HTR2C: variants seen among roughly 807,000 people sequenced by gnomAD.
The protein encoded by HTR2C is 5-hydroxytryptamine receptor 2C, also known as 5-hydroxytryptamine (serotonin) receptor 2C, G protein-coupled.
In HTR2C, 5 loss-of-function variants were observed where a neutral mutation model predicts 21.0. That is an observed-to-expected ratio of 0.24 (90% confidence interval 0.12 to 0.50). The LOEUF (loss-of-function observed/expected upper bound fraction) is 0.50. Ranked by LOEUF, HTR2C falls within the 20% of genes least tolerant of loss-of-function variation. HTR2C has a pLI of 0.98. For synonymous variants in HTR2C, 150 were observed against 145.3 expected (o/e 1.03, Z -0.23); for missense variants, 271 against 371.2 (o/e 0.73, Z 2.22).
intron 2 of HTR2C, among the ~76,000 whole-genome samples, chrX:114,678,883 G>A (rs1050614694): frequency 9.0e-6 from 1 of 111,465 alleles, no homozygotes; most frequent in Non-Finnish European, 1.9e-5. Context: ...TATTCTTGCT[G>A]CCCAGTAATC....
chrX:114,847,302 T>C (rs998230998), intron 4 of HTR2C, among the ~76,000 whole-genome samples: 10 of 105,541 alleles, frequency 9.5e-5, no homozygotes, highest in East Asian at 9.2e-4. Flanking sequence ...ATGGATGAAA[T>C]TGGAAATCAT....
chrX:114,704,509 A>AC (rs1556417575), intron 2 of HTR2C, among the ~76,000 whole-genome samples: 1 of 111,468 alleles, frequency 9.0e-6, no homozygotes, highest in African/African-American at 3.3e-5. Flanking sequence ...AAATTCAACA[A>AC]CCTTCATGCT....
At chrX:114,660,590 A>G in intron 2 of HTR2C, among the ~76,000 whole-genome samples, 1 of 112,629 alleles carries the variant, frequency 8.9e-6, no homozygotes, top group Non-Finnish European at 1.9e-5. Flanking sequence ...TCCATATTTT[A>G]CTAATTCATT....
chrX:114,647,496 A>G (rs1399530754), intron 2 of HTR2C, among the ~76,000 whole-genome samples: 2 of 112,186 alleles, frequency 1.8e-5, no homozygotes, highest in East Asian at 2.8e-4. Context: ...TCAAATATGT[A>G]TAGGTAGTTT....
At chrX:114,691,459 C>T (rs1043191761) in intron 2 of HTR2C, among the ~76,000 whole-genome samples, 1 of 111,863 alleles carries the variant, frequency 8.9e-6, no homozygotes, top group Non-Finnish European at 1.9e-5. Context: ...TATCATATAA[C>T]ACTTGCTTTT....
At chrX:114,805,892 T>C (rs782650773) in intron 4 of HTR2C, among the ~76,000 whole-genome samples, 3 of 97,960 alleles carry the variant, frequency 3.1e-5, no homozygotes, top group African/African-American at 1.1e-4. Flanking sequence ...ATGTATACCA[T>C]ATATATACAT....
chrX:114,641,628 A>G (rs1390209995), intron 2 of HTR2C, among the ~76,000 whole-genome samples: 1 of 112,210 alleles, frequency 8.9e-6, no homozygotes, highest in Non-Finnish European at 1.9e-5. Context: ...TCAACATTTT[A>G]CTTTTTTCCT....
chrX:114,741,807 A>G (rs1158069347), intron 4 of HTR2C, among the ~76,000 whole-genome samples: 1 of 109,827 alleles, frequency 9.1e-6, no homozygotes, highest in Non-Finnish European at 1.9e-5. Context: ...CTGAGGACTC[A>G]GAAAAATAAA....
intron 2 of HTR2C, among the ~76,000 whole-genome samples, chrX:114,686,647 T>G (rs1430251719): frequency 3.6e-5 from 4 of 110,878 alleles, no homozygotes; most frequent in Non-Finnish European, 5.7e-5. Context: ...AAAGGAAATT[T>G]TACCCATATT....
chrX:114,726,860 A>G lies in HTR2C; in HGVS notation c.-77A>G. The G allele has an allele frequency of 1.7e-6, 1 of 604,410 alleles. No individual in the cohort carries two copies. The allele number at this position is 604,410 out of a possible 1,213,427, so 49.8% of individuals were successfully genotyped here. On this transcript the variant is annotated splice_region_variant and 5_prime_UTR_variant, in exon 3 of 6. Transcript: ENST00000276198. ...CTTTCTTCTTTTTCTCTCCCCAGAAAGGATGATATGATGAACCTAGCCTGT... is the reference window on the plus strand; with the variant it reads ...CTTTCTTCTTTTTCTCTCCCCAGAAGGGATGATATGATGAACCTAGCCTGT...
At chrX:114,893,315 A>T (rs1219270884) in intron 5 of HTR2C, among the ~76,000 whole-genome samples, 1 of 111,875 alleles carries the variant, frequency 8.9e-6, no homozygotes, top group African/African-American at 3.2e-5. Context: ...CATACAATAT[A>T]GCTAAAGTAA....
intron 4 of HTR2C, among the ~76,000 whole-genome samples, chrX:114,830,840 TC>T (rs1290379471): frequency 1.3e-4 from 2 of 14,840 alleles, no homozygotes; most frequent in Non-Finnish European, 1.6e-4. Flanking sequence ...ATGCTATCCC[TC>T]CCCCCTCCCC....
At chrX:114,804,909 T>C (rs146507602) in intron 4 of HTR2C, among the ~76,000 whole-genome samples, 2,069 of 112,025 alleles carry the variant, frequency 0.018, 49 homozygotes, top group African/African-American at 0.064. Flanking sequence ...CCACAGGCTT[T>C]TTCCAGACTT....
At chrX:114,762,574 C>A (rs2069891054) in intron 4 of HTR2C, among the ~76,000 whole-genome samples, 1 of 111,686 alleles carries the variant, frequency 9.0e-6, no homozygotes, top group Admixed American at 9.5e-5. Context: ...GGTACCATAT[C>A]CCTAGATAGA....
intron 4 of HTR2C, among the ~76,000 whole-genome samples, chrX:114,846,321 A>G (rs2070873542): frequency 8.9e-6 from 1 of 112,119 alleles, no homozygotes; most frequent in East Asian, 2.8e-4. Context: ...AATATATTCT[A>G]TTAGACTGGC....
At chrX:114,842,463 A>T (rs1187336281) in intron 4 of HTR2C, among the ~76,000 whole-genome samples, 3 of 112,374 alleles carry the variant, frequency 2.7e-5, no homozygotes, top group Non-Finnish European at 5.6e-5. Flanking sequence ...AGGACAAGTA[A>T]CACTAGACCA....
intron 2 of HTR2C, among the ~76,000 whole-genome samples, chrX:114,706,717 CAAAT>C (rs1932776656): frequency 9.2e-6 from 1 of 108,661 alleles, no homozygotes; most frequent in Non-Finnish European, 1.9e-5. Context: ...TAATAATAAT[CAAAT>C]AAAAATAATA....
chrX:114,900,704 G>A (rs1214542342), intron 5 of HTR2C: 1 of 112,071 alleles, frequency 8.9e-6, no homozygotes. Flanking sequence ...TCATTTTGAT[G>A]TTTATCAAGC....
chrX:114,899,650 G>A (rs1374185402), intron 5 of HTR2C, among the ~76,000 whole-genome samples: 2 of 107,631 alleles, frequency 1.9e-5, no homozygotes, highest in Admixed American at 1.9e-4. Flanking sequence ...TTGCTCCCAG[G>A]TGGGCCGTTG....
Sources: gnomAD v4.1 joint callset for allele counts (sites outside exome capture counted in the v4.1 genomes callset) on GRCh38, gnomAD v4.1.1 for gene constraint, MANE v1.5 for transcripts, NCBI Gene and HGNC (gene_info 2026-07-23, HGNC 2026-07-21) for gene names.